MARCHF1: variants seen among roughly 807,000 people sequenced by gnomAD.
The protein encoded by MARCHF1 is E3 ubiquitin-protein ligase MARCHF1.
In MARCHF1, 40 loss-of-function variants were observed where a neutral mutation model predicts 54.2. That is an observed-to-expected ratio of 0.74 (90% CI 0.57 to 0.96). The LOEUF (loss-of-function observed/expected upper bound fraction) is 0.96, where lower values mean the gene tolerates loss of function less well. Among genes scored for constraint, MARCHF1 ranks in the 40% least tolerant of loss-of-function variants. MARCHF1 has a pLI of 0.00. For missense variants in MARCHF1, 586 were observed against 656.5 expected, an observed-to-expected ratio of 0.89 and a Z score of 1.17; for synonymous variants, 236 against 236.3, an observed-to-expected ratio of 1.00 and a Z score of 0.01.
chr4:163,857,202 C>T (rs935839038), intron 3 of MARCHF1, among the ~76,000 whole-genome samples: 3 of 150,190 alleles, frequency 2.0e-5, no homozygotes, highest in Non-Finnish European at 4.4e-5. Context: ...TTTCTGTTAT[C>T]ACAAAACACT....
chr4:164,106,685 G>T (rs183219397), intron 2 of MARCHF1, among the ~76,000 whole-genome samples: 1,844 of 147,134 alleles, frequency 0.013, 42 homozygotes, highest in African/African-American at 0.045. Context: ...GTTAGTGGGT[G>T]CAGCGCACCA....
intron 1 of MARCHF1, among the ~76,000 whole-genome samples, chr4:164,178,626 G>A (rs1293571528): frequency 2.6e-5 from 4 of 152,044 alleles, no homozygotes; most frequent in Non-Finnish European, 4.4e-5. Flanking sequence ...GAGTACTGAT[G>A]GTACTGTTTG....
chr4:164,359,986 A>G (rs573933776), intron 1 of MARCHF1, among the ~76,000 whole-genome samples: 1 of 152,244 alleles, frequency 6.6e-6, no homozygotes, highest in South Asian at 2.1e-4. Flanking sequence ...AGAGAGTGTC[A>G]TATTCTAGTA....
chr4:163,540,124 A>T (rs1279793901), intron 9 of MARCHF1, among the ~76,000 whole-genome samples: 1 of 152,328 alleles, frequency 6.6e-6, no homozygotes, highest in East Asian at 1.9e-4. Context: ...AATGATCTCT[A>T]AGGTCTCTTG....
At chr4:164,326,995 G>A (rs978381486) in intron 1 of MARCHF1, among the ~76,000 whole-genome samples, 1 of 149,400 alleles carries the variant, frequency 6.7e-6, no homozygotes. Context: ...GTGTGTGTGT[G>A]TGTGTATGAC....
At chr4:164,130,602 A>G (rs1295616184) in intron 1 of MARCHF1, among the ~76,000 whole-genome samples, 2 of 152,182 alleles carry the variant, frequency 1.3e-5, no homozygotes, top group Non-Finnish European at 2.9e-5. Context: ...TTTGTCCTTA[A>G]CAAAGAGTTT....
At chr4:164,196,624 G>T (rs1441869606) in intron 1 of MARCHF1, among the ~76,000 whole-genome samples, 2 of 152,066 alleles carry the variant, frequency 1.3e-5, no homozygotes, top group Non-Finnish European at 2.9e-5. Flanking sequence ...GCATTAATAA[G>T]TGGATTGTAG....
intron 2 of MARCHF1, among the ~76,000 whole-genome samples, chr4:164,037,941 T>C (rs1356389988): frequency 1.3e-5 from 2 of 152,030 alleles, no homozygotes; most frequent in African/African-American, 4.8e-5. Flanking sequence ...ATTCCGGAAA[T>C]GGAGAGAAAT....
chr4:164,335,507 G>A (rs542530421), intron 1 of MARCHF1, among the ~76,000 whole-genome samples: 4 of 151,748 alleles, frequency 2.6e-5, no homozygotes, highest in Non-Finnish European at 5.9e-5. Flanking sequence ...GCGTGAACCC[G>A]GGAGGCGGAG....
chr4:164,367,866 T>G (rs79378732), intron 1 of MARCHF1, among the ~76,000 whole-genome samples: 2,264 of 152,106 alleles, frequency 0.015, 76 homozygotes, highest in East Asian at 0.13. Context: ...TTTTGCTTCT[T>G]TTGTTTAGTA....
chr4:164,080,969 G>A (rs1170884282), intron 2 of MARCHF1, among the ~76,000 whole-genome samples: 3 of 151,050 alleles, frequency 2.0e-5, no homozygotes, highest in Admixed American at 1.3e-4. Flanking sequence ...AGCACTTTGG[G>A]AGGCCGAGGC....
At chr4:163,918,804 AT>A (rs1751365287) in intron 3 of MARCHF1, among the ~76,000 whole-genome samples, 1 of 152,020 alleles carries the variant, frequency 6.6e-6, no homozygotes, top group Admixed American at 6.6e-5. Flanking sequence ...AAAATGCATT[AT>A]TTTTTCAATG....
intron 3 of MARCHF1, among the ~76,000 whole-genome samples, chr4:163,933,590 G>A (rs888125968): frequency 3.9e-5 from 6 of 152,190 alleles, no homozygotes; most frequent in Non-Finnish European, 8.8e-5. Flanking sequence ...TTACTGTGAA[G>A]ATATGAAAAT....
In MARCHF1 at chr4:164,100,253, C is replaced by T. The variant is rs114003525; in HGVS notation, c.-248+11335G>A. On this transcript the variant is annotated intron_variant, in intron 2 of 9. Transcript: ENST00000514618. ...CATTTGCATAAATCTATTTAGAAACCACATTCACCTGGCAGATTAATTACA... is the reference window on the plus strand; with the variant it reads ...CATTTGCATAAATCTATTTAGAAACTACATTCACCTGGCAGATTAATTACA... Among the ~76,000 whole-genome samples, 1,209 of 152,214 alleles carry T rather than the reference C, an allele frequency of 7.9e-3. 12 individuals are homozygous for T. The highest frequency in any genetic ancestry group is 0.027 in the African/African-American group (1,134 of 41,522).
At chr4:164,255,318 A>T (rs1733247033) in intron 1 of MARCHF1, among the ~76,000 whole-genome samples, 1 of 151,934 alleles carries the variant, frequency 6.6e-6, no homozygotes, top group African/African-American at 2.4e-5. Context: ...AATTGCCCCT[A>T]AAATAATAGA....
rs1738075620 is a variant in MARCHF1 at position 163,525,633 on chromosome 4, T to TTGTGGTATTGA, written c.*3114_*3115insTCAATACCACA. 1 of 151,688 alleles carries TTGTGGTATTGA rather than the reference T, an allele frequency of 6.6e-6. No individual in the cohort carries two copies. Among genetic ancestry groups the TTGTGGTATTGA allele is most frequent in the Admixed American group, 6.6e-5 (1 of 15,180 alleles). 9.4% of individuals were successfully genotyped at this position (151,688 alleles called of 1,614,324 possible). On this transcript the variant is annotated 3_prime_UTR_variant, in exon 10 of 10. Coordinates refer to ENST00000514618, the MANE Select transcript of MARCHF1 (RefSeq NM_001394959.1). Reference sequence around the variant, plus strand: ...AAAATTAACAGCATCAATGTCTGGTTTAATACTGAAGATTCATGATTATAA... The same window carrying TTGTGGTATTGA: ...AAAATTAACAGCATCAATGTCTGGTTTGTGGTATTGATAATACTGAAGATTCATGATTATAA...
chr4:163,817,463 AACACAC>A (rs111793655), intron 4 of MARCHF1, among the ~76,000 whole-genome samples: 1 of 148,750 alleles, frequency 6.7e-6, no homozygotes, highest in Non-Finnish European at 1.5e-5. Flanking sequence ...TTAGGAGAGC[AACACAC>A]ACACACACAC....
intron 4 of MARCHF1, among the ~76,000 whole-genome samples, chr4:163,761,277 C>T (rs866100913): frequency 6.6e-6 from 1 of 152,178 alleles, no homozygotes; most frequent in Non-Finnish European, 1.5e-5. Context: ...TGTCTTTCTT[C>T]AAGCTTTGCT....
Position 163,986,249 on chromosome 4 carries a change from C to CTTTTTTTTT in MARCHF1, c.-39+2243_-39+2251dup, listed in dbSNP as rs869081083. On this transcript the variant is annotated intron_variant, in intron 3 of 9. Coordinates refer to ENST00000514618, the MANE Select transcript of MARCHF1 (RefSeq NM_001394959.1). Reference sequence around the variant, plus strand: ...TTCCTTTTCTCCTAATTAACCTCTTCTTTTTTTTTTTTTTTTTTTTTTTTT... The same window carrying CTTTTTTTTT: ...TTCCTTTTCTCCTAATTAACCTCTTCTTTTTTTTTTTTTTTTTTTTTTTTTTTTTTTTTT... Among the ~76,000 whole-genome samples, 40 of 28,870 alleles carry CTTTTTTTTT rather than the reference C, an allele frequency of 1.4e-3. 4 individuals carry two copies. The highest frequency in any genetic ancestry group is 3.1e-3 in the East Asian group (3 of 960). The allele number at this position is 28,870 out of a possible 152,430, so 18.9% of individuals were successfully genotyped here.
Sources: gnomAD v4.1 joint callset for allele counts (sites outside exome capture counted in the v4.1 genomes callset) on GRCh38, gnomAD v4.1.1 for gene constraint, MANE v1.5 for transcripts, NCBI Gene and HGNC (gene_info 2026-07-23, HGNC 2026-07-21) for gene names.